Variants in FCHSD2 observed in about 807,000 individuals in gnomAD.
The protein encoded by FCHSD2 is F-BAR and double SH3 domains protein 2.
FCHSD2 carries 38 observed loss-of-function variants against 108.1 expected under a neutral mutation model. The observed-to-expected ratio is 0.35, with a 90% CI of 0.27 to 0.46. The LOEUF (loss-of-function observed/expected upper bound fraction) is 0.46, where lower values mean the gene tolerates loss of function less well. Among genes scored for constraint, FCHSD2 ranks in the 20% least tolerant of loss-of-function variants. The probability of loss-of-function intolerance (pLI) is 1.00; values close to 1 mark genes in which losing one functional copy is unlikely to be tolerated. For missense variants in FCHSD2, 751 were observed against 897.8 expected, an observed-to-expected ratio of 0.84 and a Z score of 2.09; for synonymous variants, 279 against 314.7, an observed-to-expected ratio of 0.89 and a Z score of 1.20.
At chr11:73,051,429 A>G (rs1858896046) in intron 3 of FCHSD2, among the ~76,000 whole-genome samples, 1 of 152,238 alleles carries the variant, frequency 6.6e-6, no homozygotes, top group African/African-American at 2.4e-5. Context: ...TAATATTTTT[A>G]GCTAAATTAA....
chr11:73,129,174 G>A (rs1233553267), intron 2 of FCHSD2, among the ~76,000 whole-genome samples: 1 of 152,096 alleles, frequency 6.6e-6, no homozygotes, highest in African/African-American at 2.4e-5. Context: ...CCTGGCCAGA[G>A]ACTCTAATTT....
At position 72,966,492 on chromosome 11, in the gene FCHSD2, C is replaced by T. The variant is rs572643776; in HGVS notation, c.705+17596G>A. Among the ~76,000 whole-genome samples the T allele has an allele frequency of 3.9e-5, 6 of 152,198 alleles. No homozygotes were observed. The East Asian group carries it at 5.8e-4, about 15-fold the overall frequency. ...AGCATATTACTTTGTTATACTAATA[C>T]GGGAATTACAGCATTTATTCTTACA... On this transcript the variant is annotated intron_variant, in intron 8 of 19. Coordinates refer to ENST00000409418, the MANE Select transcript of FCHSD2 (RefSeq NM_014824.3).
intron 17 of FCHSD2, among the ~76,000 whole-genome samples, chr11:72,842,178 C>T (rs1860977125): frequency 6.6e-6 from 1 of 152,198 alleles, no homozygotes; most frequent in Admixed American, 6.5e-5. Flanking sequence ...GGATTAGGGG[C>T]TCTGGCAGGC....
At chr11:72,989,655 G>T (rs896762502) in intron 5 of FCHSD2, among the ~76,000 whole-genome samples, 9 of 152,090 alleles carry the variant, frequency 5.9e-5, no homozygotes, top group African/African-American at 2.2e-4. Flanking sequence ...CAACTCCGTG[G>T]ATACACATAT....
chr11:73,009,641 A>G lies in FCHSD2; in HGVS notation c.242+6168T>C, dbSNP rs11235629. On this transcript the variant is annotated intron_variant, in intron 4 of 19. Coordinates refer to ENST00000409418, the MANE Select transcript of FCHSD2 (RefSeq NM_014824.3). ...CTGGGAAAGAATTTACTTCTCCTTC[A>G]TTTATGAAGGATAATTTTGCTGAAT... Among the ~76,000 whole-genome samples the G allele has an allele frequency of 4.9e-3, 747 of 152,026 alleles. 6 individuals carry two copies. The highest frequency in any genetic ancestry group is 0.017 in the African/African-American group (690 of 41,478).
intron 13 of FCHSD2, among the ~76,000 whole-genome samples, chr11:72,863,988 T>A (rs1029197160): frequency 3.7e-4 from 56 of 152,162 alleles, no homozygotes; most frequent in African/African-American, 1.3e-3. Context: ...ATCTTAGCAG[T>A]TTTAGAAACT....
intron 5 of FCHSD2, among the ~76,000 whole-genome samples, chr11:72,989,706 G>C (rs1317172776): frequency 6.6e-6 from 1 of 152,172 alleles, no homozygotes; most frequent in Non-Finnish European, 1.5e-5. Flanking sequence ...CTAAAACAAT[G>C]TTTAATCAAT....
At chr11:73,030,555 A>G (rs1367567379) in intron 3 of FCHSD2, among the ~76,000 whole-genome samples, 2 of 152,156 alleles carry the variant, frequency 1.3e-5, no homozygotes, top group African/African-American at 2.4e-5. Context: ...GGCATTGTAT[A>G]AGGTCTCTTA....
chr11:73,075,569 A>G (rs1245940792), intron 3 of FCHSD2, among the ~76,000 whole-genome samples: 1 of 152,220 alleles, frequency 6.6e-6, no homozygotes, highest in Non-Finnish European at 1.5e-5. Flanking sequence ...AAAGTTAAAC[A>G]TGGTGGGAGG....
At chr11:72,987,059 T>G (rs1372632099) in intron 6 of FCHSD2, among the ~76,000 whole-genome samples, 1 of 152,174 alleles carries the variant, frequency 6.6e-6, no homozygotes. Flanking sequence ...TTCACCCCAG[T>G]GTTTCCCAGG....
chr11:72,854,156 G>GA (rs1861363083), intron 13 of FCHSD2, among the ~76,000 whole-genome samples: 1 of 152,160 alleles, frequency 6.6e-6, no homozygotes, highest in South Asian at 2.1e-4. Context: ...AGCTGCTATG[G>GA]AAAAACAGTA....
intron 3 of FCHSD2, among the ~76,000 whole-genome samples, chr11:73,080,411 T>A (rs1050277665): frequency 6.6e-6 from 1 of 151,800 alleles, no homozygotes; most frequent in Non-Finnish European, 1.5e-5. Flanking sequence ...CATACATTCA[T>A]ATTTACACAC....
intron 8 of FCHSD2, among the ~76,000 whole-genome samples, chr11:72,967,542 A>T (rs550994795): frequency 6.6e-6 from 1 of 152,232 alleles, no homozygotes; most frequent in South Asian, 2.1e-4. Context: ...GATTCCATTT[A>T]TATGAAATGA....
intron 4 of FCHSD2, among the ~76,000 whole-genome samples, chr11:73,004,521 C>T (rs990440744): frequency 6.6e-6 from 1 of 152,190 alleles, no homozygotes; most frequent in Non-Finnish European, 1.5e-5. Flanking sequence ...TTTCCATTGT[C>T]TCTTGCCCCT....
chr11:72,904,692 T>C (rs1042219462), intron 9 of FCHSD2, among the ~76,000 whole-genome samples: 10 of 152,110 alleles, frequency 6.6e-5, no homozygotes, highest in Non-Finnish European at 2.9e-5. Flanking sequence ...TGATTGTTTC[T>C]TTTTTTTACA....
intron 2 of FCHSD2, among the ~76,000 whole-genome samples, chr11:73,090,389 C>G (rs1162103887): frequency 2.6e-5 from 4 of 151,952 alleles, no homozygotes; most frequent in Admixed American, 6.5e-5. Context: ...CTACGCCCAG[C>G]TAATTTTTTG....
intron 12 of FCHSD2, among the ~76,000 whole-genome samples, chr11:72,884,156 A>T (rs1281806650): frequency 6.6e-6 from 1 of 152,118 alleles, no homozygotes; most frequent in Non-Finnish European, 1.5e-5. Context: ...GATGAAAAAC[A>T]TCACATCATC....
At chr11:73,040,044 T>C (rs1255171109) in intron 3 of FCHSD2, among the ~76,000 whole-genome samples, 2 of 152,206 alleles carry the variant, frequency 1.3e-5, no homozygotes, top group Non-Finnish European at 2.9e-5. Context: ...TTGAACACAA[T>C]GTTTCCTAAA....
rs757189973 is a variant in FCHSD2, at chr11:72,841,559, C to T, written c.1951G>A (p.Ala651Thr). The part of the protein sequence containing the change: ...IQISPSPKPH[A>T]SLPPLPLYDQ... ...TACAACGGCAGTGGAGGCAGGGAGGCGTGTGGCTTGGGGGAAGGAGAGATC... is the reference window on the plus strand; with the variant it reads ...TACAACGGCAGTGGAGGCAGGGAGGTGTGTGGCTTGGGGGAAGGAGAGATC... Residue 651 changes from alanine (A) to threonine (T), a missense_variant, in exon 18 of 20, where the codon GCC (alanine) becomes ACC (threonine). Transcript: ENST00000409418. The T allele has an allele frequency of 1.4e-5, 22 of 1,609,148 alleles. No homozygotes were observed. The highest frequency in any genetic ancestry group is 1.4e-4 in the Admixed American group (8 of 59,096).
Sources: gnomAD v4.1 joint callset for allele counts (sites outside exome capture counted in the v4.1 genomes callset) on GRCh38, gnomAD v4.1.1 for gene constraint, MANE v1.5 for transcripts, NCBI Gene and HGNC (gene_info 2026-07-23, HGNC 2026-07-21) for gene names.